DNAAF9: variants seen among roughly 807,000 people sequenced by gnomAD.
DNAAF9 encodes the protein dynein axonemal assembly factor 9.
Under a neutral mutation model 167.0 loss-of-function variants are expected in DNAAF9, and 90 were observed. The observed-to-expected ratio is 0.54, with a 90% CI of 0.45 to 0.64. DNAAF9 has a LOEUF of 0.64. DNAAF9 is among the 30% of genes least tolerant of loss of function. The pLI, the probability that DNAAF9 is intolerant of heterozygous loss-of-function variation, is 0.00. For synonymous variants in DNAAF9, 491 were observed against 508.8 expected (o/e 0.96, Z 0.47); for missense variants, 1,315 against 1,442.2 (o/e 0.91, Z 1.43).
At chr20:3,262,875 A>T (rs2068416935) in intron 31 of DNAAF9, among the ~76,000 whole-genome samples, 1 of 150,580 alleles carries the variant, frequency 6.6e-6, no homozygotes, top group African/African-American at 2.4e-5. Flanking sequence ...CAAATCAGAG[A>T]TTCCTTCTAA....
intron 6 of DNAAF9, among the ~76,000 whole-genome samples, chr20:3,370,415 AT>A (rs377469708): frequency 6.2e-4 from 90 of 144,240 alleles, no homozygotes; most frequent in South Asian, 1.1e-3. Context: ...TGCCTCGCTA[AT>A]TTTTTTTTTT....
intron 6 of DNAAF9, among the ~76,000 whole-genome samples, chr20:3,372,460 C>A (rs1275333618): frequency 6.6e-6 from 1 of 152,208 alleles, no homozygotes; most frequent in African/African-American, 2.4e-5. Context: ...TTCTTCATGG[C>A]CCATCCCATT....
At chr20:3,379,690 T>C (rs2083621636) in intron 3 of DNAAF9, among the ~76,000 whole-genome samples, 1 of 152,236 alleles carries the variant, frequency 6.6e-6, no homozygotes, top group Non-Finnish European at 1.5e-5. Flanking sequence ...ATCTCTGCTT[T>C]CCAACTACTT....
chr20:3,291,409 TCTCGG>T (rs1187798329), intron 25 of DNAAF9, among the ~76,000 whole-genome samples: 1 of 149,272 alleles, frequency 6.7e-6, no homozygotes, highest in Non-Finnish European at 1.5e-5. Context: ...AGTGGTGCAA[TCTCGG>T]CTCACTGCAA....
intron 6 of DNAAF9, among the ~76,000 whole-genome samples, chr20:3,371,493 G>A (rs1347835602): frequency 6.6e-6 from 1 of 151,654 alleles, no homozygotes; most frequent in Non-Finnish European, 1.5e-5. Flanking sequence ...ACAGGCGCCT[G>A]CCACCACGCC....
chr20:3,349,735 C>G (rs6051773), intron 7 of DNAAF9, among the ~76,000 whole-genome samples: 31,275 of 152,040 alleles, frequency 0.21, 3,526 homozygotes, highest in African/African-American at 0.28. Flanking sequence ...TTGCTATGGG[C>G]TTTTCTTGAA....
At position 3,363,531 on chromosome 20, in the gene DNAAF9, C is replaced by CT. The variant is rs756444381; in HGVS notation, c.613-3939dup. On this transcript the variant is annotated intron_variant, in intron 6 of 36. Transcript: ENST00000252032. ...AAAAAAGATTAATGCAAAGCAAACT[C>CT]TTTTTTTTTTTTTTTTTAGTTTTAA... 5.1e-3 allele frequency among the ~76,000 whole-genome samples: 620 copies of CT among 120,552 alleles called. 2 individuals are homozygous for CT. The highest frequency in any genetic ancestry group is 0.029 in the East Asian group (122 of 4,204). 79.1% of individuals were successfully genotyped at this position (120,552 alleles called of 152,430 possible). A position where few individuals can be genotyped will look rare whatever the true frequency, so the allele number is the denominator to read the frequency against.
At chr20:3,371,908 T>G (rs1298531703) in intron 6 of DNAAF9, among the ~76,000 whole-genome samples, 1 of 152,088 alleles carries the variant, frequency 6.6e-6, no homozygotes, top group East Asian at 1.9e-4. Flanking sequence ...AGGAGGAAGT[T>G]AGAGGCAGAA....
At chr20:3,274,962 T>G (rs1184249643) in intron 29 of DNAAF9, among the ~76,000 whole-genome samples, 1 of 152,218 alleles carries the variant, frequency 6.6e-6, no homozygotes, top group East Asian at 1.9e-4. Flanking sequence ...TTGGTACCTG[T>G]GTTCGCATGG....
intron 6 of DNAAF9, among the ~76,000 whole-genome samples, chr20:3,363,493 GA>G (rs1372018054): frequency 8.7e-6 from 1 of 114,866 alleles, no homozygotes; most frequent in Non-Finnish European, 1.9e-5. Context: ...AAATAAAAAC[GA>G]AAAAAAAGAA....
chr20:3,257,651 C>T (rs552165139), intron 33 of DNAAF9, among the ~76,000 whole-genome samples: 3 of 152,082 alleles, frequency 2.0e-5, no homozygotes, highest in Non-Finnish European at 4.4e-5. Context: ...TCAAGTGATT[C>T]TCCTACCTCA....
At chr20:3,268,152 C>T (rs1378487698) in intron 30 of DNAAF9, among the ~76,000 whole-genome samples, 1 of 151,646 alleles carries the variant, frequency 6.6e-6, no homozygotes, top group African/African-American at 2.4e-5. Context: ...CCTCAGCCTC[C>T]TGAGTAGCTG....
intron 29 of DNAAF9, among the ~76,000 whole-genome samples, chr20:3,278,352 A>G (rs1467103861): frequency 6.6e-6 from 1 of 152,202 alleles, no homozygotes; most frequent in Non-Finnish European, 1.5e-5. Context: ...TCAGTCCACT[A>G]GTATTAGCTG....
chr20:3,392,367 T>C (rs2083838874), intron 1 of DNAAF9, among the ~76,000 whole-genome samples: 1 of 152,196 alleles, frequency 6.6e-6, no homozygotes, highest in Non-Finnish European at 1.5e-5. Flanking sequence ...TATTTCTTAT[T>C]TTCCTTGGAT....
intron 30 of DNAAF9, among the ~76,000 whole-genome samples, chr20:3,266,528 A>G (rs1180156297): frequency 6.6e-6 from 1 of 152,116 alleles, no homozygotes; most frequent in Non-Finnish European, 1.5e-5. Flanking sequence ...CCCAGGCTGG[A>G]GTGCAGTGGC....
At position 3,316,731 on chromosome 20, in the gene DNAAF9, A is replaced by G; in HGVS notation, c.1531T>C (p.Ser511Pro). 6.2e-7 allele frequency: 1 copy of G among 1,612,914 alleles called. No individual in the cohort carries two copies. The highest frequency in any genetic ancestry group is 8.5e-7 in the Non-Finnish European group (1 of 1,179,026). ...TGATGAATGACACTAACCAGCCAGG[A>G]GCAGAATCTGGGTACAGCAGCAGTC... Reference protein sequence around the residue: ...VLTAAVPRFCSWLVEDNEVKL... With the variant: ...VLTAAVPRFCPWLVEDNEVKL... The change falls in exon 18 of 37, where the codon TCC becomes CCC. Residue 511 changes from serine to proline, a missense_variant. Physicochemically the swap from Ser to Pro is moderately conservative, Grantham distance 74. Coordinates refer to ENST00000252032, the MANE Select transcript of DNAAF9 (RefSeq NM_001009984.3).
At chr20:3,285,216 C>A (rs1204749022) in intron 27 of DNAAF9, among the ~76,000 whole-genome samples, 1 of 152,188 alleles carries the variant, frequency 6.6e-6, no homozygotes, top group Non-Finnish European at 1.5e-5. Flanking sequence ...AAATCTCTGT[C>A]CTATATTACA....
In DNAAF9 at chr20:3,252,549, G is replaced by T; in HGVS notation, c.*23C>A. On this transcript the variant is annotated 3_prime_UTR_variant, in exon 37 of 37. Coordinates refer to ENST00000252032, the MANE Select transcript of DNAAF9 (RefSeq NM_001009984.3). Reference sequence around the variant, plus strand: ...CCATCTCCAAGGTGGACATTCTGCAGGACGTACGGGCCCAGCCTTCCTCTA... The same window carrying T: ...CCATCTCCAAGGTGGACATTCTGCATGACGTACGGGCCCAGCCTTCCTCTA... 1 of 1,276,360 alleles carries T rather than the reference G, an allele frequency of 7.8e-7. No individual in the cohort carries two copies. Among genetic ancestry groups the T allele is most frequent in the Non-Finnish European group, 1.1e-6 (1 of 871,484 alleles). The allele number at this position is 1,276,360 out of a possible 1,614,324, so 79.1% of individuals were successfully genotyped here.
At chr20:3,317,603 T>C (rs951621173) in intron 17 of DNAAF9, among the ~76,000 whole-genome samples, 1 of 152,014 alleles carries the variant, frequency 6.6e-6, no homozygotes, top group African/African-American at 2.4e-5. Flanking sequence ...CTGTTTCAAA[T>C]TGCTTTTTTT....
Sources: allele counts gnomAD v4.1 joint callset (sites outside exome capture counted in the v4.1 genomes callset), GRCh38; gene constraint gnomAD v4.1.1; transcripts MANE v1.5; gene names NCBI Gene and HGNC (gene_info 2026-07-23, HGNC 2026-07-21).